Variants in PTGES3 observed in about 807,000 individuals in gnomAD.
The protein encoded by PTGES3 is prostaglandin E synthase 3.
In PTGES3, 5 loss-of-function variants were observed where a neutral mutation model predicts 29.9. The observed-to-expected ratio is 0.17, with a 90% CI of 0.09 to 0.35. The LOEUF (loss-of-function observed/expected upper bound fraction) is 0.35, where lower values mean the gene tolerates loss of function less well. PTGES3 is among the 10% of genes least tolerant of loss of function. PTGES3 has a pLI of 1.00. For synonymous variants in PTGES3, 49 were observed against 57.8 expected, an observed-to-expected ratio of 0.85 and a Z score of 0.69; for missense variants, 128 against 190.0, an observed-to-expected ratio of 0.67 and a Z score of 1.92.
chr12:56,664,708 T>C (rs1206646990), intron 7 of PTGES3, 68 bp downstream of exon 7: 6 of 1,527,790 alleles, frequency 3.9e-6, no homozygotes, highest in African/African-American at 1.4e-5. Context: ...GAAGTTAACA[T>C]CTCTATTTTG....
At chr12:56,668,868 T>C (rs1951883259) in intron 5 of PTGES3, among the ~76,000 whole-genome samples, 1 of 152,196 alleles carries the variant, frequency 6.6e-6, no homozygotes, top group Non-Finnish European at 1.5e-5. Context: ...TCTACTACAT[T>C]TGATAAAGTC....
intron 1 of PTGES3, among the ~76,000 whole-genome samples, chr12:56,681,266 CG>C (rs1952526552): frequency 6.6e-6 from 1 of 150,824 alleles, no homozygotes. Flanking sequence ...AGGCCGGGCG[CG>C]GTGGCTCATG....
At chr12:56,670,212 A>G in intron 5 of PTGES3, 63 bp downstream of exon 5, 1 of 1,130,174 alleles carries the variant, frequency 8.8e-7, no homozygotes, top group South Asian at 1.3e-5. Flanking sequence ...ACCATATTAA[A>G]TTGACTACAT....
At chr12:56,666,118 A>T (rs1377571254) in intron 6 of PTGES3, 86 bp downstream of exon 6, 2 of 1,411,470 alleles carry the variant, frequency 1.4e-6, no homozygotes, top group Non-Finnish European at 1.9e-6. Context: ...AGTAATTGTG[A>T]ATCTATATAA....
At chr12:56,687,738 G>A in intron 1 of PTGES3, 6 of 1,366,024 alleles carry the variant, frequency 4.4e-6, no homozygotes, top group Non-Finnish European at 5.6e-6. Flanking sequence ...GAGTAACCCA[G>A]ACAGCCAAAG....
intron 1 of PTGES3, among the ~76,000 whole-genome samples, chr12:56,677,679 G>A (rs1952322318): frequency 6.6e-6 from 1 of 151,000 alleles, no homozygotes. Context: ...TTTTTTTGGT[G>A]GGGTGGGTAC....
At position 56,688,018 on chromosome 12, in the gene PTGES3, A is replaced by T. The variant is rs1371751341; in HGVS notation, c.-19T>A. ...CTCACATTGTGAACGGGGCAGGGGG[A>T]CGGGCGAACTGGTGGGCGGGCCTCT... On this transcript the variant is annotated 5_prime_UTR_variant, in exon 1 of 8. Transcript: ENST00000262033. The T allele has an allele frequency of 3.3e-6, 5 of 1,531,410 alleles. No individual in the cohort carries two copies. The highest frequency in any genetic ancestry group is 2.9e-5 in the African/African-American group (2 of 70,056). 94.9% of individuals were successfully genotyped at this position (1,531,410 alleles called of 1,614,324 possible).
intron 1 of PTGES3, chr12:56,687,761 G>A (rs963999743): frequency 5.8e-6 from 8 of 1,380,200 alleles, no homozygotes; most frequent in Non-Finnish European, 5.6e-6. Context: ...GTAAAAGTAG[G>A]ATTTCCGGCA....
chr12:56,680,082 T>TTG (rs1378306600), intron 1 of PTGES3, among the ~76,000 whole-genome samples: 4 of 151,432 alleles, frequency 2.6e-5, no homozygotes, highest in Non-Finnish European at 5.9e-5. Flanking sequence ...GTTTTGGTTT[T>TTG]TTTTTTTTTT....
At chr12:56,677,914 T>C (rs1252558822) in intron 1 of PTGES3, among the ~76,000 whole-genome samples, 1 of 152,142 alleles carries the variant, frequency 6.6e-6, no homozygotes, top group Non-Finnish European at 1.5e-5. Flanking sequence ...TCTTGGCACA[T>C]GATTTGGTAG....
chr12:56,684,163 T>C (rs185099362), intron 1 of PTGES3, among the ~76,000 whole-genome samples: 408 of 152,156 alleles, frequency 2.7e-3, no homozygotes, highest in African/African-American at 9.1e-3. Context: ...AGGTTTTTTT[T>C]CCCCTGAAAA....
At chr12:56,685,420 T>A (rs1400817671) in intron 1 of PTGES3, among the ~76,000 whole-genome samples, 32 of 121,086 alleles carry the variant, frequency 2.6e-4, no homozygotes, top group South Asian at 1.4e-3. Flanking sequence ...TTTTTTTTTT[T>A]AAGACAGTCT....
intron 1 of PTGES3, among the ~76,000 whole-genome samples, chr12:56,683,831 T>C (rs7309526): frequency 0.79 from 117,969 of 149,840 alleles, 46,876 homozygotes; most frequent in African/African-American, 0.9. Flanking sequence ...AGGTGGCGGG[T>C]GCCTGTAGTC....
intron 1 of PTGES3, among the ~76,000 whole-genome samples, chr12:56,683,962 A>AC (rs1394133698): frequency 7.5e-5 from 11 of 146,106 alleles, no homozygotes; most frequent in African/African-American, 2.5e-4. Flanking sequence ...CGTCTCAAAA[A>AC]AAAAAAAAAC....
At chr12:56,666,972 T>G (rs897569590) in intron 5 of PTGES3, among the ~76,000 whole-genome samples, 2 of 150,222 alleles carry the variant, frequency 1.3e-5, no homozygotes, top group Non-Finnish European at 2.9e-5. Flanking sequence ...CAGGTTGGAG[T>G]GCAGCAGCAC....
intron 1 of PTGES3, among the ~76,000 whole-genome samples, chr12:56,675,202 A>G (rs1256328690): frequency 1.3e-5 from 2 of 151,702 alleles, no homozygotes; most frequent in Non-Finnish European, 2.9e-5. Flanking sequence ...TGGGAGACTG[A>G]GCCAGGCCAA....
At chr12:56,669,228 CTT>C (rs1280997400) in intron 5 of PTGES3, among the ~76,000 whole-genome samples, 10 of 151,632 alleles carry the variant, frequency 6.6e-5, no homozygotes, top group African/African-American at 9.7e-5. Flanking sequence ...GCGTTTTGCT[CTT>C]GTTGCCCAGA....
Position 56,664,173 on chromosome 12 carries a change from A to C in PTGES3, c.*306T>G, listed in dbSNP as rs1192751371. On this transcript the variant is annotated 3_prime_UTR_variant, in exon 8 of 8. Coordinates refer to ENST00000262033, the MANE Select transcript of PTGES3 (RefSeq NM_006601.7). ...CTATGTTATGAAGAAAAGGAGACTT[A>C]GGTGAGATGTTTTTATTTATCGCAA... The C allele has an allele frequency of 1.2e-5, 3 of 245,804 alleles. No individual in the cohort carries two copies. Among genetic ancestry groups the C allele is most frequent in the Admixed American group, 5.9e-5 (1 of 16,870 alleles). 15.2% of individuals were successfully genotyped at this position (245,804 alleles called of 1,614,324 possible).
chr12:56,674,825 CAAAAAAAAAAAA>C (rs869222252), intron 1 of PTGES3, among the ~76,000 whole-genome samples: 21 of 16,110 alleles, frequency 1.3e-3, no homozygotes, highest in Admixed American at 9.3e-3. Flanking sequence ...GACTCCATCT[CAAAAAAAAAAAA>C]AAAAAAAAAA....
Sources: gnomAD v4.1 joint callset for allele counts (sites outside exome capture counted in the v4.1 genomes callset) on GRCh38, gnomAD v4.1.1 for gene constraint, MANE v1.5 for transcripts, NCBI Gene and HGNC (gene_info 2026-07-23, HGNC 2026-07-21) for gene names.